PTPRK: variants seen among roughly 807,000 people sequenced by gnomAD.
PTPRK encodes the protein receptor-type tyrosine-protein phosphatase kappa.
Under a neutral mutation model 178.0 loss-of-function variants are expected in PTPRK, and 75 were observed. The observed-to-expected ratio is 0.42, with a 90% CI of 0.35 to 0.51. PTPRK has a LOEUF of 0.51. Among genes scored for constraint, PTPRK ranks in the 20% least tolerant of loss-of-function variants. The pLI is 0.02. For missense variants in PTPRK, 1,441 were observed against 1,797.8 expected (o/e 0.80, Z 3.59); for synonymous variants, 637 against 620.6 (o/e 1.03, Z -0.39).
At chr6:128,445,191 C>T (rs922910773) in intron 1 of PTPRK, among the ~76,000 whole-genome samples, 1 of 123,902 alleles carries the variant, frequency 8.1e-6, no homozygotes, top group East Asian at 2.1e-4. Context: ...CCCAACTCTA[C>T]TATTTTATTT....
At chr6:128,153,039 C>G (rs1346789030) in intron 7 of PTPRK, among the ~76,000 whole-genome samples, 1 of 151,962 alleles carries the variant, frequency 6.6e-6, no homozygotes, top group Non-Finnish European at 1.5e-5. Flanking sequence ...TTCCACCTCT[C>G]TACAACTGAG....
At chr6:128,110,968 T>G (rs1247418916) in intron 7 of PTPRK, among the ~76,000 whole-genome samples, 1 of 152,182 alleles carries the variant, frequency 6.6e-6, no homozygotes, top group Non-Finnish European at 1.5e-5. Flanking sequence ...TTACTGACTG[T>G]CAGGACCTAC....
At chr6:128,399,686 T>C (rs1840778962) in intron 1 of PTPRK, among the ~76,000 whole-genome samples, 1 of 152,218 alleles carries the variant, frequency 6.6e-6, no homozygotes, top group African/African-American at 2.4e-5. Flanking sequence ...GCCCTCTGTA[T>C]ATAAATTTAA....
intron 7 of PTPRK, among the ~76,000 whole-genome samples, chr6:128,128,819 T>G (rs1793776727): frequency 6.6e-6 from 1 of 152,190 alleles, no homozygotes; most frequent in African/African-American, 2.4e-5. Context: ...TAGAGTTACT[T>G]GATAGGAAGG....
At chr6:127,976,322 G>A (rs1025464796) in intron 27 of PTPRK, among the ~76,000 whole-genome samples, 1 of 152,084 alleles carries the variant, frequency 6.6e-6, no homozygotes, top group African/African-American at 2.4e-5. Flanking sequence ...TTCTGGGCTG[G>A]ATGTCAATAC....
intron 1 of PTPRK, among the ~76,000 whole-genome samples, chr6:128,410,663 T>G (rs1044853837): frequency 6.6e-6 from 1 of 152,104 alleles, no homozygotes; most frequent in Admixed American, 6.5e-5. Context: ...GCATAATGAG[T>G]GAAAGTCTAC....
chr6:128,074,402 T>C (rs1186574678), intron 11 of PTPRK, among the ~76,000 whole-genome samples: 2 of 152,060 alleles, frequency 1.3e-5, no homozygotes, highest in Non-Finnish European at 2.9e-5. Flanking sequence ...GGTCAATCTT[T>C]TAATAAATGG....
At chr6:128,100,676 T>C (rs1788633199) in intron 7 of PTPRK, among the ~76,000 whole-genome samples, 1 of 151,948 alleles carries the variant, frequency 6.6e-6, no homozygotes, top group Non-Finnish European at 1.5e-5. Flanking sequence ...AACTCCTATA[T>C]ATGAAGACAC....
chr6:127,989,820 T>G (rs1413135865), intron 21 of PTPRK, among the ~76,000 whole-genome samples: 1 of 152,038 alleles, frequency 6.6e-6, no homozygotes, highest in Non-Finnish European at 1.5e-5. Context: ...TCTAGTTTTT[T>G]TTTTTTTCTT....
chr6:128,184,863 C>T (rs542744951), intron 6 of PTPRK, 138 bp from the exon 7 acceptor site: 730 of 894,850 alleles, frequency 8.2e-4, no homozygotes, highest in Non-Finnish European at 1.0e-3. Flanking sequence ...AACTAGAAGA[C>T]GCATGATCTG....
At chr6:128,274,614 A>T (rs968144168) in intron 3 of PTPRK, among the ~76,000 whole-genome samples, 1 of 151,970 alleles carries the variant, frequency 6.6e-6, no homozygotes, top group African/African-American at 2.4e-5. Flanking sequence ...AGATTTAAAA[A>T]CTCAGGTTGT....
At chr6:128,393,111 A>T (rs1839833630) in intron 2 of PTPRK, among the ~76,000 whole-genome samples, 1 of 144,778 alleles carries the variant, frequency 6.9e-6, no homozygotes, top group Non-Finnish European at 1.5e-5. Flanking sequence ...TTTTTTTTTA[A>T]GACAGAGTCT....
intron 7 of PTPRK, among the ~76,000 whole-genome samples, chr6:128,144,319 T>C (rs951721869): frequency 6.6e-6 from 1 of 152,244 alleles, no homozygotes; most frequent in African/African-American, 2.4e-5. Flanking sequence ...CAGTTCAATG[T>C]ATTCAAATAT....
At chr6:128,029,001 G>T (rs917149628) in intron 13 of PTPRK, among the ~76,000 whole-genome samples, 1 of 152,082 alleles carries the variant, frequency 6.6e-6, no homozygotes, top group Non-Finnish European at 1.5e-5. Flanking sequence ...CATCTTCCAT[G>T]GTCAGTTCTT....
intron 2 of PTPRK, among the ~76,000 whole-genome samples, chr6:128,370,537 T>C (rs1836128285): frequency 6.6e-6 from 1 of 152,118 alleles, no homozygotes; most frequent in African/African-American, 2.4e-5. Context: ...TAATTCATCA[T>C]ATCATCTTAG....
intron 5 of PTPRK, among the ~76,000 whole-genome samples, chr6:128,236,928 C>T (rs769193049): frequency 1.6e-4 from 24 of 152,164 alleles, no homozygotes; most frequent in Middle Eastern, 3.2e-3. Flanking sequence ...CCTAGATTAA[C>T]TCAGGCAATT....
chr6:128,165,487 A>G (rs1799268700), intron 7 of PTPRK, among the ~76,000 whole-genome samples: 1 of 151,134 alleles, frequency 6.6e-6, no homozygotes, highest in Admixed American at 6.6e-5. Flanking sequence ...CTATCCTATG[A>G]TGAGGTCTCA....
Position 128,519,995 on chromosome 6 carries a change from G to A in PTPRK, c.100+264C>T, listed in dbSNP as rs1347736123. The stretch of plus-strand genomic sequence containing the variant: ...CACTAGCCCGGCGCAGGCCACGCGA[G>A]ACGCCGAAGCCAGCAGGTCCCCACA... On this transcript the variant is annotated intron_variant, in intron 1 of 29. Transcript: ENST00000368226. The surrounding 1 kb of genome is among the most constrained non-coding windows in gnomAD (Gnocchi z 4.3). 6.6e-6 allele frequency among the ~76,000 whole-genome samples: 1 copy of A among 152,182 alleles called. No individual in the cohort carries two copies. The highest frequency in any genetic ancestry group is 1.5e-5 in the Non-Finnish European group (1 of 68,036).
At chr6:128,196,715 G>C (rs1804915683) in intron 6 of PTPRK, among the ~76,000 whole-genome samples, 1 of 152,128 alleles carries the variant, frequency 6.6e-6, no homozygotes, top group South Asian at 2.1e-4. Context: ...TTCTTTCACA[G>C]CTACTGTTCC....
Sources: allele counts gnomAD v4.1 joint callset (sites outside exome capture counted in the v4.1 genomes callset), GRCh38; gene constraint gnomAD v4.1.1; non-coding constraint Gnocchi (gnomAD v3.1); transcripts MANE v1.5; gene names NCBI Gene and HGNC (gene_info 2026-07-23, HGNC 2026-07-21).